TRMT10B: variants seen among roughly 807,000 people sequenced by gnomAD.
TRMT10B encodes the protein tRNA methyltransferase 10B.
TRMT10B carries 33 observed loss-of-function variants against 43.8 expected under a neutral mutation model. That is an observed-to-expected ratio of 0.75 (90% CI 0.57 to 1.01). The LOEUF (loss-of-function observed/expected upper bound fraction) is 1.01. Among genes scored for constraint, TRMT10B ranks in the 50% least tolerant of loss-of-function variants. The probability of loss-of-function intolerance (pLI) is 0.00; values close to 1 mark genes in which losing one functional copy is unlikely to be tolerated. For synonymous variants in TRMT10B, 137 were observed against 130.6 expected (o/e 1.05, Z -0.34); for missense variants, 362 against 369.8 (o/e 0.98, Z 0.17).
rs929905874 is a variant in TRMT10B, at chr9:37,778,426, A to T, written c.*719A>T. On this transcript the variant is annotated 3_prime_UTR_variant, in exon 9 of 9. Coordinates refer to ENST00000297994, the MANE Select transcript of TRMT10B (RefSeq NM_144964.4). ...GCTACTCAGGAGGCTGAGGCAGGAG[A>T]ATCGCCTGAACCCGGGCGGCGGAGG... 2.0e-5 allele frequency: 3 copies of T among 152,050 alleles called. No individual in the cohort carries two copies. The highest frequency in any genetic ancestry group is 4.4e-5 in the Non-Finnish European group (3 of 68,042). The allele number at this position is 152,050 out of a possible 1,614,324, so 9.4% of individuals were successfully genotyped here. A position where few individuals can be genotyped will look rare whatever the true frequency, so the allele number is the denominator to read the frequency against.
chr9:37,763,669 A>G lies in TRMT10B; in HGVS notation c.336A>G (p.Leu112=). The G allele has an allele frequency of 1.2e-6, 2 of 1,614,184 alleles. No homozygotes were observed. Among genetic ancestry groups the G allele is most frequent in the Non-Finnish European group, 1.7e-6 (2 of 1,180,020 alleles). ...PQHSKRFLRA[L]TKDKLLEAKH... The stretch of plus-strand genomic sequence containing the variant: ...ACAGCAAACGTTTCCTGAGAGCTCT[A>G]ACCAAAGACAAACTTTTGGAAGCCA... Residue 112 remains leucine, a synonymous_variant, in exon 4 of 9, where the codon CTA becomes CTG. Coordinates refer to ENST00000297994, the MANE Select transcript of TRMT10B (RefSeq NM_144964.4).
At chr9:37,772,702 G>A (rs184512367) in intron 7 of TRMT10B, among the ~76,000 whole-genome samples, 48 of 152,272 alleles carry the variant, frequency 3.2e-4, no homozygotes, top group Non-Finnish European at 6.0e-4. Context: ...AAAGAGGTTC[G>A]TCCAGGCACA....
In TRMT10B at chr9:37,778,190, G is replaced by C. The variant is rs1828386580; in HGVS notation, c.*483G>C. ...GCTTTTTAATCTCCCATAGTGCCTG[G>C]CTCACAGGAAGTGCTCAGATATGTT... is the stretch of plus-strand genomic sequence containing the variant. On this transcript the variant is annotated 3_prime_UTR_variant, in exon 9 of 9. Transcript: ENST00000297994. 6.4e-6 allele frequency: 1 copy of C among 155,652 alleles called. No individual in the cohort carries two copies. The highest frequency in any genetic ancestry group is 1.4e-5 in the Non-Finnish European group (1 of 70,524). The allele number at this position is 155,652 out of a possible 1,614,324, so 9.6% of individuals were successfully genotyped here. A position where few individuals can be genotyped will look rare whatever the true frequency, so the allele number is the denominator to read the frequency against.
chr9:37,767,513 C>CAAAAAAAAAAAAAAAAAAAAAATAAAAAA (rs1827113385), intron 4 of TRMT10B: 1 of 78,048 alleles, frequency 1.3e-5, no homozygotes, highest in Non-Finnish European at 2.3e-5. Context: ...ACCCTGTCTC[C>CAAAAAAAAAAAAAAAAAAAAAATAAAAAA]AAAAAAAAAA....
intron 1 of TRMT10B, among the ~76,000 whole-genome samples, chr9:37,754,075 G>GT (rs1218518603): frequency 2.0e-5 from 3 of 152,240 alleles, no homozygotes; most frequent in African/African-American, 7.2e-5. Flanking sequence ...GGCTGAATTC[G>GT]ATGTGCCATC....
At chr9:37,756,024 C>T (rs556131703) in intron 1 of TRMT10B, among the ~76,000 whole-genome samples, 1 of 152,220 alleles carries the variant, frequency 6.6e-6, no homozygotes, top group South Asian at 2.1e-4. Context: ...ATCTCTTTTC[C>T]CCTCCTTAGC....
chr9:37,753,318 A>G (rs757269702), upstream of TRMT10B, among the ~76,000 whole-genome samples: 2 of 152,236 alleles, frequency 1.3e-5, no homozygotes, highest in Non-Finnish European at 2.9e-5. Context: ...TTTTAGTTCT[A>G]CAAAGATTCT....
chr9:37,762,934 C>T (rs1387223459), intron 3 of TRMT10B, among the ~76,000 whole-genome samples: 1 of 147,192 alleles, frequency 6.8e-6, no homozygotes. Context: ...GAGATCGAGA[C>T]CGTCCTGGAT....
chr9:37,777,067 G>A (rs950351749), intron 8 of TRMT10B, among the ~76,000 whole-genome samples: 6 of 149,582 alleles, frequency 4.0e-5, no homozygotes, highest in Admixed American at 1.3e-4. Context: ...AGTGGCAGGC[G>A]CCTGTAATCC....
intron 1 of TRMT10B, 112 bp downstream of exon 1, chr9:37,753,964 T>G (rs187667396): frequency 4.6e-5 from 7 of 152,324 alleles, no homozygotes; most frequent in African/African-American, 4.8e-5. Context: ...TTAGCAGTCA[T>G]GTGGCCTGTG....
intron 4 of TRMT10B, among the ~76,000 whole-genome samples, chr9:37,765,732 A>G (rs1826917777): frequency 6.6e-6 from 1 of 152,180 alleles, no homozygotes; most frequent in South Asian, 2.1e-4. Context: ...ATTTCTCCAC[A>G]TCCTCTCCAG....
At chr9:37,753,142 C>T (rs948822280), upstream of TRMT10B, among the ~76,000 whole-genome samples, 1 of 151,922 alleles carries the variant, frequency 6.6e-6, no homozygotes, top group Non-Finnish European at 1.5e-5. Flanking sequence ...TGCAGCTTCA[C>T]TCCTGAAGCT....
intron 1 of TRMT10B, among the ~76,000 whole-genome samples, chr9:37,756,732 A>G (rs183504134): frequency 1.3e-5 from 2 of 151,240 alleles, no homozygotes; most frequent in East Asian, 3.9e-4. Context: ...AAAGATATAT[A>G]TATATATATA....
intron 3 of TRMT10B, among the ~76,000 whole-genome samples, chr9:37,763,216 G>A (rs188286683): frequency 1.3e-5 from 2 of 150,362 alleles, no homozygotes; most frequent in Admixed American, 6.6e-5. Context: ...TCTAACTAAC[G>A]TGTTTATAAG....
chr9:37,770,027 G>T lies in TRMT10B; in HGVS notation c.652+8G>T, dbSNP rs988248186. The T allele has an allele frequency of 1.2e-6, 2 of 1,608,552 alleles. No homozygotes were observed. The highest frequency in any genetic ancestry group is 2.2e-5 in the East Asian group (1 of 44,854). On this transcript the variant is annotated splice_region_variant and intron_variant, in intron 6 of 8. Coordinates refer to ENST00000297994, the MANE Select transcript of TRMT10B (RefSeq NM_144964.4). ...CTCCTGACTCAGAACACGGTATGTA[G>T]TTGAATGCATGGATTCGTATAGCCC...
chr9:37,776,082 A>C (rs1429365494), intron 7 of TRMT10B, among the ~76,000 whole-genome samples, 200 bp from the exon 8 acceptor site: 1 of 152,106 alleles, frequency 6.6e-6, no homozygotes, highest in East Asian at 1.9e-4. Flanking sequence ...TCTTGGTTCT[A>C]AGTGGCAGTG....
intron 4 of TRMT10B, among the ~76,000 whole-genome samples, chr9:37,766,646 T>C (rs1047288742): frequency 6.6e-6 from 1 of 152,228 alleles, no homozygotes; most frequent in Non-Finnish European, 1.5e-5. Context: ...GGGGATGGCA[T>C]TGAATCTATA....
chr9:37,769,308 TAAAAAA>T (rs57651814), intron 5 of TRMT10B, among the ~76,000 whole-genome samples: 43 of 60,720 alleles, frequency 7.1e-4, no homozygotes, highest in East Asian at 2.9e-3. Context: ...ACCCTGTCTT[TAAAAAA>T]AAAAAAAAAA....
intron 7 of TRMT10B, among the ~76,000 whole-genome samples, chr9:37,773,258 C>CTA (rs1589043228): frequency 6.6e-6 from 1 of 150,668 alleles, no homozygotes; most frequent in East Asian, 1.9e-4. Flanking sequence ...TAGGCACATG[C>CTA]TACCATGGCC....
Sources: gnomAD v4.1 joint callset for allele counts (sites outside exome capture counted in the v4.1 genomes callset) on GRCh38, gnomAD v4.1.1 for gene constraint, MANE v1.5 for transcripts, NCBI Gene and HGNC (gene_info 2026-07-23, HGNC 2026-07-21) for gene names.